Variants in CLIC4 observed in about 807,000 individuals in gnomAD.
CLIC4 encodes chloride intracellular channel protein 4.
CLIC4 carries 13 observed loss-of-function variants against 24.6 expected under a neutral mutation model. The ratio of observed to expected loss-of-function variants is 0.53; its 90% CI spans 0.34 to 0.84. The LOEUF is 0.84. CLIC4 is among the 40% of genes least tolerant of loss of function. The probability of loss-of-function intolerance (pLI) is 0.01; values close to 1 mark genes in which losing one functional copy is unlikely to be tolerated. For synonymous variants in CLIC4, 104 were observed against 111.3 expected (o/e 0.93, Z 0.41); for missense variants, 227 against 301.7 (o/e 0.75, Z 1.83).
intron 1 of CLIC4, among the ~76,000 whole-genome samples, chr1:24,791,246 G>T (rs941303925): frequency 3.9e-5 from 6 of 152,096 alleles, no homozygotes; most frequent in African/African-American, 1.4e-4. Context: ...ACAAAACTGG[G>T]TATAGAATAA....
At chr1:24,764,422 G>C (rs971876332) in intron 1 of CLIC4, among the ~76,000 whole-genome samples, 1 of 151,276 alleles carries the variant, frequency 6.6e-6, no homozygotes, top group Non-Finnish European at 1.5e-5. Context: ...TATAATCCCA[G>C]CACTTTGGGA....
Position 24,841,110 on chromosome 1 carries a change from A to C in CLIC4, c.*173A>C, listed in dbSNP as rs1468606373. 6 of 434,296 alleles carry C rather than the reference A, an allele frequency of 1.4e-5. No individual in the cohort carries two copies. Among genetic ancestry groups the C allele is most frequent in the Non-Finnish European group, 2.3e-5 (6 of 255,326 alleles). The allele number at this position is 434,296 out of a possible 1,614,324, so 26.9% of individuals were successfully genotyped here. A position where few individuals can be genotyped will look rare whatever the true frequency, so the allele number is the denominator to read the frequency against. ...AGTTATCTTAAAATATACACTCCTA[A>C]GCAGTATTATTTTAAAATCCTTTAC... is the stretch of plus-strand genomic sequence containing the variant. On this transcript the variant is annotated 3_prime_UTR_variant, in exon 6 of 6. Transcript: ENST00000374379.
chr1:24,751,086 A>T (rs1231734632), intron 1 of CLIC4, among the ~76,000 whole-genome samples: 1 of 152,058 alleles, frequency 6.6e-6, no homozygotes, highest in Admixed American at 6.6e-5. Flanking sequence ...ACTTACTGAG[A>T]TCCCGATGGT....
intron 3 of CLIC4, among the ~76,000 whole-genome samples, chr1:24,821,144 C>T (rs532605892): frequency 3.9e-4 from 59 of 151,742 alleles, no homozygotes; most frequent in African/African-American, 1.4e-3. Context: ...GAGATCATGC[C>T]ACTGCATTCC....
intron 4 of CLIC4, 56 bp from the exon 5 acceptor site, chr1:24,839,804 G>C: frequency 6.9e-7 from 1 of 1,457,732 alleles, no homozygotes; most frequent in Non-Finnish European, 9.4e-7. Flanking sequence ...TTCTCCTTGG[G>C]GACTTGAGTG....
At position 24,761,667 on chromosome 1, in the gene CLIC4, G is replaced by A. The variant is rs148927651; in HGVS notation, c.72+16042G>A. ...CAGGATTAGAGTTGCATCTTAATAT[G>A]AGTAGCCTGGCTCTGTGGAAAATGA... is the stretch of plus-strand genomic sequence containing the variant. On this transcript the variant is annotated intron_variant, in intron 1 of 5. Transcript: ENST00000374379. Among the ~76,000 whole-genome samples the A allele has an allele frequency of 2.0e-5, 3 of 152,260 alleles. No individual in the cohort carries two copies. In the East Asian group the frequency reaches 5.8e-4, roughly 29 times the overall value.
chr1:24,821,991 CTG>C (rs2124161737), intron 3 of CLIC4, among the ~76,000 whole-genome samples: 1 of 152,298 alleles, frequency 6.6e-6, no homozygotes, highest in East Asian at 1.9e-4. Flanking sequence ...TGGATTATCT[CTG>C]TTAATCCTCA....
At position 24,843,979 on chromosome 1, in the gene CLIC4, A is replaced by C. The variant is rs1399803952; in HGVS notation, c.*3042A>C. 1 of 152,634 alleles carries C rather than the reference A, an allele frequency of 6.6e-6. No homozygotes were observed. The highest frequency in any genetic ancestry group is 1.5e-5 in the Non-Finnish European group (1 of 68,014). 9.5% of individuals were successfully genotyped at this position (152,634 alleles called of 1,614,324 possible). A position where few individuals can be genotyped will look rare whatever the true frequency, so the allele number is the denominator to read the frequency against. ...GCATTAATTTGAATTTAAGCATTTA[A>C]TTCAAAGAGAGGGGAGCATCCATTA... is the stretch of plus-strand genomic sequence containing the variant. On this transcript the variant is annotated 3_prime_UTR_variant, in exon 6 of 6. Coordinates refer to ENST00000374379, the MANE Select transcript of CLIC4 (RefSeq NM_013943.3).
chr1:24,814,883 T>C (rs1196494615), intron 3 of CLIC4, among the ~76,000 whole-genome samples: 1 of 152,218 alleles, frequency 6.6e-6, no homozygotes, highest in East Asian at 1.9e-4. Context: ...ACATGTTTTG[T>C]TTCTACTGAC....
At chr1:24,782,192 C>G (rs1488974812) in intron 1 of CLIC4, among the ~76,000 whole-genome samples, 1 of 152,130 alleles carries the variant, frequency 6.6e-6, no homozygotes, top group Non-Finnish European at 1.5e-5. Context: ...GAACTACTAA[C>G]TCAGAGGAGG....
chr1:24,822,314 TG>T (rs1263679279), intron 3 of CLIC4, among the ~76,000 whole-genome samples: 1 of 149,558 alleles, frequency 6.7e-6, no homozygotes, highest in Non-Finnish European at 1.5e-5. Flanking sequence ...GGACCAAAGG[TG>T]GTTATTAAAC....
chr1:24,838,267 A>G (rs982532673), intron 4 of CLIC4, among the ~76,000 whole-genome samples: 2 of 152,228 alleles, frequency 1.3e-5, no homozygotes, highest in African/African-American at 4.8e-5. Context: ...CCTTAGAATA[A>G]GACTTGGCAT....
Position 24,798,446 on chromosome 1 carries a change from C to T in CLIC4, c.182+595C>T, listed in dbSNP as rs192057013. On this transcript the variant is annotated intron_variant, in intron 2 of 5. Coordinates refer to ENST00000374379, the MANE Select transcript of CLIC4 (RefSeq NM_013943.3). ...GAAGAGTTGTTTGTAGGTTTCTCTC[C>T]TGGATGACTTTATGGCTTATTTTCC... 9.9e-5 allele frequency among the ~76,000 whole-genome samples: 15 copies of T among 152,194 alleles called. 1 individual carries two copies. The East Asian group carries it at 2.5e-3, about 25-fold the overall frequency.
At chr1:24,749,420 C>T (rs767402958) in intron 1 of CLIC4, among the ~76,000 whole-genome samples, 2 of 152,006 alleles carry the variant, frequency 1.3e-5, no homozygotes, top group African/African-American at 2.4e-5. Context: ...TGTAATGGGG[C>T]TTTGAGCCTA....
intron 1 of CLIC4, among the ~76,000 whole-genome samples, chr1:24,783,275 G>T (rs971431705): frequency 2.0e-5 from 3 of 152,148 alleles, no homozygotes; most frequent in Admixed American, 6.5e-5. Context: ...GACTTGCCCT[G>T]TGGTTAGATA....
intron 1 of CLIC4, among the ~76,000 whole-genome samples, chr1:24,764,680 C>G (rs1384408935): frequency 6.6e-6 from 1 of 151,880 alleles, no homozygotes; most frequent in Admixed American, 6.6e-5. Context: ...AATTCATACT[C>G]TGGTATCTTC....
intron 1 of CLIC4, among the ~76,000 whole-genome samples, chr1:24,774,036 G>A (rs1447659982): frequency 2.0e-5 from 3 of 152,076 alleles, no homozygotes; most frequent in Non-Finnish European, 4.4e-5. Flanking sequence ...GCAGTGGTGC[G>A]ATCTTGGCTC....
chr1:24,755,729 T>A (rs1638839063), intron 1 of CLIC4, among the ~76,000 whole-genome samples: 1 of 151,626 alleles, frequency 6.6e-6, no homozygotes, highest in Admixed American at 6.6e-5. Context: ...ACCAGGATAA[T>A]ATGTTAGTCT....
At chr1:24,748,179 A>G (rs765205905) in intron 1 of CLIC4, among the ~76,000 whole-genome samples, 1 of 152,196 alleles carries the variant, frequency 6.6e-6, no homozygotes, top group Non-Finnish European at 1.5e-5. Flanking sequence ...TATTAATTTC[A>G]TCTTTCAGTT....
Sources: gnomAD v4.1 joint callset for allele counts (sites outside exome capture counted in the v4.1 genomes callset) on GRCh38, gnomAD v4.1.1 for gene constraint, MANE v1.5 for transcripts, NCBI Gene and HGNC (gene_info 2026-07-23, HGNC 2026-07-21) for gene names.